CAMK1D: variants seen among roughly 807,000 people sequenced by gnomAD.
CAMK1D encodes the protein calcium/calmodulin-dependent protein kinase type 1D.
In CAMK1D, 9 loss-of-function variants were observed where a neutral mutation model predicts 47.7. The ratio of observed to expected loss-of-function variants is 0.19; its 90% CI spans 0.11 to 0.33. The LOEUF is 0.33. Among genes scored for constraint, CAMK1D ranks in the 10% least tolerant of loss-of-function variants. CAMK1D has a pLI of 1.00. For missense variants in CAMK1D, 291 were observed against 488.7 expected, an observed-to-expected ratio of 0.60 and a Z score of 3.81; for synonymous variants, 184 against 184.9, an observed-to-expected ratio of 0.99 and a Z score of 0.04.
At chr10:12,666,239 C>T (rs1840426780) in intron 2 of CAMK1D, among the ~76,000 whole-genome samples, 1 of 151,918 alleles carries the variant, frequency 6.6e-6, no homozygotes, top group African/African-American at 2.4e-5. Flanking sequence ...TACACTGGAC[C>T]CATGGACATG....
chr10:12,496,026 A>C (rs897875630), intron 1 of CAMK1D, among the ~76,000 whole-genome samples: 1 of 151,868 alleles, frequency 6.6e-6, no homozygotes, highest in African/African-American at 2.4e-5. Context: ...ATGGGGTTTC[A>C]CCATGTTGTC....
chr10:12,696,972 G>A (rs747122401), intron 3 of CAMK1D, among the ~76,000 whole-genome samples: 1 of 152,166 alleles, frequency 6.6e-6, no homozygotes, highest in Non-Finnish European at 1.5e-5. Flanking sequence ...CAGCTAAGCA[G>A]TGTTTGCTGT....
At chr10:12,448,236 G>A (rs1336626756) in intron 1 of CAMK1D, among the ~76,000 whole-genome samples, 2 of 151,276 alleles carry the variant, frequency 1.3e-5, no homozygotes, top group South Asian at 4.2e-4. Flanking sequence ...TATTGCCCAG[G>A]CTGATCTTGA....
At chr10:12,774,673 G>C (rs1837197284) in intron 5 of CAMK1D, among the ~76,000 whole-genome samples, 1 of 152,208 alleles carries the variant, frequency 6.6e-6, no homozygotes, top group South Asian at 2.1e-4. Flanking sequence ...TAGGAAGCGA[G>C]CTGCACAGCA....
At chr10:12,470,446 T>A (rs955677818) in intron 1 of CAMK1D, among the ~76,000 whole-genome samples, 1 of 152,220 alleles carries the variant, frequency 6.6e-6, no homozygotes, top group Admixed American at 6.5e-5. Flanking sequence ...ATCTTGGGCA[T>A]TTACCCATAT....
At chr10:12,827,086 T>C (rs1588974664) in intron 10 of CAMK1D, among the ~76,000 whole-genome samples, 1 of 152,232 alleles carries the variant, frequency 6.6e-6, no homozygotes, top group Non-Finnish European at 1.5e-5. Flanking sequence ...CACACAGGAA[T>C]AGGTGAACAT....
chr10:12,730,509 G>C (rs1156476044), intron 3 of CAMK1D, among the ~76,000 whole-genome samples: 2 of 152,190 alleles, frequency 1.3e-5, no homozygotes, highest in African/African-American at 2.4e-5. Context: ...ATACACATTG[G>C]GGGTGGAGGG....
At chr10:12,399,450 G>A (rs1839090951) in intron 1 of CAMK1D, among the ~76,000 whole-genome samples, 1 of 152,014 alleles carries the variant, frequency 6.6e-6, no homozygotes, top group Non-Finnish European at 1.5e-5. Context: ...GTTGCAGTGA[G>A]CTGAGATCGC....
At chr10:12,616,092 A>G (rs971287863) in intron 2 of CAMK1D, among the ~76,000 whole-genome samples, 1 of 150,754 alleles carries the variant, frequency 6.6e-6, no homozygotes, top group Middle Eastern at 3.2e-3. Context: ...ATTGGTGTGT[A>G]TAGGTGTGAG....
chr10:12,803,630 G>C (rs1329945661), intron 6 of CAMK1D, among the ~76,000 whole-genome samples: 2 of 152,126 alleles, frequency 1.3e-5, no homozygotes, highest in African/African-American at 4.8e-5. Context: ...ACTCCAGCCT[G>C]GGTAACAGAG....
intron 2 of CAMK1D, among the ~76,000 whole-genome samples, chr10:12,652,892 A>T (rs967492428): frequency 1.3e-5 from 2 of 152,222 alleles, no homozygotes; most frequent in African/African-American, 4.8e-5. Flanking sequence ...TTTAATTGTG[A>T]CTCATCTCAG....
At chr10:12,742,885 C>G (rs1483121722) in intron 3 of CAMK1D, among the ~76,000 whole-genome samples, 2 of 152,176 alleles carry the variant, frequency 1.3e-5, no homozygotes, top group Non-Finnish European at 2.9e-5. Flanking sequence ...AAGAGGAGAG[C>G]CCGCGTCAGA....
At chr10:12,786,401 G>A (rs2130983073) in intron 5 of CAMK1D, among the ~76,000 whole-genome samples, 1 of 152,290 alleles carries the variant, frequency 6.6e-6, no homozygotes, top group South Asian at 2.1e-4. Flanking sequence ...TGCAAGAAAT[G>A]TACATTCTTG....
intron 6 of CAMK1D, among the ~76,000 whole-genome samples, chr10:12,805,355 A>G (rs1008104041): frequency 6.8e-6 from 1 of 147,262 alleles, no homozygotes; most frequent in African/African-American, 2.5e-5. Flanking sequence ...AAGCCATAAT[A>G]TCTTTACATT....
At chr10:12,350,500 G>T (rs1006059310) in intron 1 of CAMK1D, among the ~76,000 whole-genome samples, 1 of 152,190 alleles carries the variant, frequency 6.6e-6, no homozygotes, top group Non-Finnish European at 1.5e-5. Flanking sequence ...TGCATTTCAC[G>T]CGGGCTCGGC....
intron 1 of CAMK1D, among the ~76,000 whole-genome samples, chr10:12,405,564 CAGAT>C (rs774658952): frequency 1.1e-4 from 16 of 152,192 alleles, no homozygotes; most frequent in Non-Finnish European, 1.8e-4. Context: ...CACGTATAAA[CAGAT>C]AGGACAATTA....
intron 1 of CAMK1D, among the ~76,000 whole-genome samples, chr10:12,450,891 C>T (rs1833063501): frequency 6.6e-6 from 1 of 152,210 alleles, no homozygotes; most frequent in Non-Finnish European, 1.5e-5. Context: ...TGCCTGGCGG[C>T]TATCAGGTGC....
chr10:12,646,079 A>T (rs1839803997), intron 2 of CAMK1D, among the ~76,000 whole-genome samples: 1 of 152,170 alleles, frequency 6.6e-6, no homozygotes, highest in African/African-American at 2.4e-5. Flanking sequence ...TACTTAAAAA[A>T]ATTCTGTCAA....
chr10:12,463,055 C>T lies in CAMK1D; in HGVS notation c.93-90170C>T, dbSNP rs549804970. On this transcript the variant is annotated intron_variant, in intron 1 of 10. Transcript: ENST00000619168. ...TGTTGGGCAACCAGCAGCTGGCACT[C>T]ATATCTAGAGTCCAAGACCGATAAC... is the stretch of plus-strand genomic sequence containing the variant. Among the ~76,000 whole-genome samples the T allele has an allele frequency of 5.1e-4, 78 of 151,972 alleles. No homozygotes were observed. In the South Asian group the frequency reaches 6.0e-3, roughly 12 times the overall value.
Sources: gnomAD v4.1 joint callset for allele counts (sites outside exome capture counted in the v4.1 genomes callset) on GRCh38, gnomAD v4.1.1 for gene constraint, MANE v1.5 for transcripts, NCBI Gene and HGNC (gene_info 2026-07-23, HGNC 2026-07-21) for gene names.